The following TCF4 variants were observed in gnomAD, a reference collection of about 807,000 sequenced individuals.
The protein encoded by TCF4 is SL3-3 enhancer factor 2.
TCF4 carries 3 observed loss-of-function variants against 82.1 expected under a neutral mutation model. The observed-to-expected ratio is 0.04, with a 90% CI of 0.02 to 0.09. The LOEUF is 0.09. Among genes scored for constraint, TCF4 ranks in the 10% least tolerant of loss-of-function variants. TCF4 has a pLI of 1.00. For missense variants in TCF4, 518 were observed against 852.7 expected (o/e 0.61, Z 4.89); for synonymous variants, 276 against 309.6 (o/e 0.89, Z 1.14).
At chr18:55,578,778 A>C (rs2097550873) in intron 3 of TCF4, among the ~76,000 whole-genome samples, 1 of 152,126 alleles carries the variant, frequency 6.6e-6, no homozygotes, top group South Asian at 2.1e-4. Flanking sequence ...ATAAAGGCAC[A>C]TCCAACAATG....
intron 8 of TCF4, among the ~76,000 whole-genome samples, chr18:55,285,023 A>G (rs528526710): frequency 6.6e-6 from 1 of 152,358 alleles, no homozygotes; most frequent in East Asian, 1.9e-4. Context: ...TTTGAAGGAC[A>G]TAGGCCTCAG....
intron 8 of TCF4, among the ~76,000 whole-genome samples, chr18:55,317,520 A>T: frequency 6.6e-6 from 1 of 152,010 alleles, no homozygotes; most frequent in East Asian, 1.9e-4. Flanking sequence ...GTTCCAACCA[A>T]CTGTGAGGTT....
At chr18:55,572,560 A>C (rs2097483669) in intron 3 of TCF4, among the ~76,000 whole-genome samples, 1 of 152,222 alleles carries the variant, frequency 6.6e-6, no homozygotes, top group Admixed American at 6.5e-5. Context: ...ACAAAATGCA[A>C]TCTAACAATA....
chr18:55,588,610 TCA>T, upstream of TCF4: 1 of 1,498,110 alleles, frequency 6.7e-7, no homozygotes, highest in Non-Finnish European at 8.9e-7. Flanking sequence ...TCGTTCCCTC[TCA>T]CTCACACATC....
intron 3 of TCF4, among the ~76,000 whole-genome samples, chr18:55,507,158 TG>T (rs1176721884): frequency 6.6e-6 from 1 of 152,202 alleles, no homozygotes; most frequent in Non-Finnish European, 1.5e-5. Flanking sequence ...CCACCAGGCC[TG>T]GCCTTTTCTT....
At chr18:55,403,568 A>G (rs1355577195) in intron 5 of TCF4, 50 bp from the exon 6 acceptor site, 22 of 1,613,660 alleles carry the variant, frequency 1.4e-5, no homozygotes, top group Non-Finnish European at 1.9e-5. Flanking sequence ...TCCTTAAAAA[A>G]AAATCTCCTC....
At chr18:55,559,296 A>C (rs754570427) in intron 3 of TCF4, among the ~76,000 whole-genome samples, 2 of 152,078 alleles carry the variant, frequency 1.3e-5, no homozygotes, top group African/African-American at 2.4e-5. Context: ...CTATGATATA[A>C]TGGAGCAGAA....
rs34773632 is a variant in TCF4, at chr18:55,246,232, C to CGTGTGTGTGTGTGT, written c.1350+8251_1350+8264dup. 9.7e-4 allele frequency among the ~76,000 whole-genome samples: 144 copies of CGTGTGTGTGTGTGT among 147,750 alleles called. No homozygotes were observed. In the Middle Eastern group the frequency reaches 0.011, roughly 11 times the overall value. On this transcript the variant is annotated intron_variant, in intron 15 of 19. Transcript: ENST00000354452. ...GGTTATAGGGTCTATTTTAAATACA[C>CGTGTGTGTGTGTGT]GTGTGTGTGTGTGTGTGTGTGTGTG...
chr18:55,239,453 G>T (rs1466434183), intron 15 of TCF4, among the ~76,000 whole-genome samples: 1 of 152,116 alleles, frequency 6.6e-6, no homozygotes. Flanking sequence ...GGGGAGGAGA[G>T]TTAGGGGGCA....
intron 10 of TCF4, among the ~76,000 whole-genome samples, chr18:55,273,914 T>G (rs1443731929): frequency 6.6e-6 from 1 of 152,166 alleles, no homozygotes; most frequent in South Asian, 2.1e-4. Context: ...TGCAGTGAAC[T>G]GGACTAGGAT....
chr18:55,586,495 G>A (rs1296819241), intron 2 of TCF4, among the ~76,000 whole-genome samples: 2 of 152,154 alleles, frequency 1.3e-5, no homozygotes, highest in Non-Finnish European at 2.9e-5. Flanking sequence ...AGTCCAAAAG[G>A]TTCTAAAGAA....
chr18:55,555,001 A>C (rs1362849624), intron 3 of TCF4, among the ~76,000 whole-genome samples: 1 of 152,154 alleles, frequency 6.6e-6, no homozygotes, highest in African/African-American at 2.4e-5. Context: ...TTGATATCTT[A>C]ACTGCAGGTA....
At chr18:55,233,441 C>T (rs1419499315) in intron 16 of TCF4, among the ~76,000 whole-genome samples, 1 of 152,140 alleles carries the variant, frequency 6.6e-6, no homozygotes, top group Non-Finnish European at 1.5e-5. Context: ...TGCATTTTAA[C>T]AAGATGCTCA....
At chr18:55,513,783 G>T (rs1372707932) in intron 3 of TCF4, among the ~76,000 whole-genome samples, 1 of 152,100 alleles carries the variant, frequency 6.6e-6, no homozygotes, top group African/African-American at 2.4e-5. Context: ...TTTTAAAGCT[G>T]ATCCCCAATG....
intron 8 of TCF4, among the ~76,000 whole-genome samples, chr18:55,329,946 T>C (rs2147731221): frequency 6.6e-6 from 1 of 152,328 alleles, no homozygotes; most frequent in South Asian, 2.1e-4. Context: ...CCCTTCCCTC[T>C]AGTTGAAGAT....
intron 15 of TCF4, among the ~76,000 whole-genome samples, chr18:55,239,842 A>G (rs2050685324): frequency 6.6e-6 from 1 of 152,172 alleles, no homozygotes; most frequent in African/African-American, 2.4e-5. Context: ...AACAAAAAAG[A>G]CATTCAATAT....
In TCF4 at chr18:55,480,355, G is replaced by GATATTTGAC. The variant is rs1176872473; in HGVS notation, c.146-16227_146-16219dup. ...ACACTTACTGTTATGGTCATAGCATGATATTTGACACCAAAAGGATACAAA... is the reference window on the plus strand; with the variant it reads ...ACACTTACTGTTATGGTCATAGCATGATATTTGACATATTTGACACCAAAAGGATACAAA... On this transcript the variant is annotated intron_variant, in intron 3 of 19. Coordinates refer to ENST00000354452, the MANE Select transcript of TCF4 (RefSeq NM_001083962.2). 3.4e-5 allele frequency among the ~76,000 whole-genome samples: 5 copies of GATATTTGAC among 147,798 alleles called. No individual in the cohort carries two copies. The East Asian group carries it at 1.1e-3, about 31-fold the overall frequency.
chr18:55,603,418 G>A (rs777940437), intron 2 of TCF4, among the ~76,000 whole-genome samples: 12 of 152,044 alleles, frequency 7.9e-5, no homozygotes, highest in Non-Finnish European at 1.6e-4. Flanking sequence ...TCATGTATTC[G>A]TACCAGTTTT....
At chr18:55,303,619 GAT>G (rs1298045672) in intron 8 of TCF4, among the ~76,000 whole-genome samples, 1 of 152,086 alleles carries the variant, frequency 6.6e-6, no homozygotes, top group Non-Finnish European at 1.5e-5. Context: ...AAGAAGAAAA[GAT>G]ATAAGGTGAA....
Sources: gnomAD v4.1 joint callset for allele counts (sites outside exome capture counted in the v4.1 genomes callset) on GRCh38, gnomAD v4.1.1 for gene constraint, MANE v1.5 for transcripts, NCBI Gene and HGNC (gene_info 2026-07-23, HGNC 2026-07-21) for gene names.